ROBO1: variants seen among roughly 807,000 people sequenced by gnomAD.
ROBO1 encodes roundabout homolog 1.
Under a neutral mutation model 195.9 loss-of-function variants are expected in ROBO1, and 149 were observed. The ratio of observed to expected loss-of-function variants is 0.76; its 90% CI spans 0.67 to 0.87. The LOEUF (loss-of-function observed/expected upper bound fraction) is 0.87. Among genes scored for constraint, ROBO1 ranks in the 40% least tolerant of loss-of-function variants. The pLI, the probability that ROBO1 is intolerant of heterozygous loss-of-function variation, is 0.00. For synonymous variants in ROBO1, 816 were observed against 733.2 expected, an observed-to-expected ratio of 1.11 and a Z score of -1.82; for missense variants, 1,933 against 2,068.3, an observed-to-expected ratio of 0.93 and a Z score of 1.27.
chr3:79,102,457 T>G (rs573135647), intron 3 of ROBO1, among the ~76,000 whole-genome samples: 6 of 151,720 alleles, frequency 4.0e-5, no homozygotes, highest in Non-Finnish European at 7.4e-5. Flanking sequence ...ATTGCAGCCA[T>G]AAAACACATA....
At chr3:79,082,944 A>G (rs1164251821) in intron 3 of ROBO1, among the ~76,000 whole-genome samples, 1 of 152,204 alleles carries the variant, frequency 6.6e-6, no homozygotes, top group African/African-American at 2.4e-5. Flanking sequence ...TTGATCTGCT[A>G]TCATGCAGTT....
intron 3 of ROBO1, among the ~76,000 whole-genome samples, chr3:78,984,907 G>C (rs923316063): frequency 2.0e-5 from 3 of 152,206 alleles, no homozygotes; most frequent in Non-Finnish European, 1.5e-5. Flanking sequence ...TCTACCACTT[G>C]TGAGACAGCA....
intron 3 of ROBO1, among the ~76,000 whole-genome samples, chr3:78,975,653 C>A (rs2076870792): frequency 6.6e-6 from 1 of 152,042 alleles, no homozygotes; most frequent in African/African-American, 2.4e-5. Context: ...TAATAAGTTT[C>A]TTTTCAAAGC....
intron 3 of ROBO1, among the ~76,000 whole-genome samples, chr3:79,052,477 T>C (rs1205748496): frequency 6.6e-6 from 1 of 152,098 alleles, no homozygotes; most frequent in African/African-American, 2.4e-5. Context: ...TCTGCCCGTG[T>C]GATATTTTAT....
chr3:78,661,351 A>C (rs1707392696), intron 15 of ROBO1, 90 bp from the exon 16 acceptor site: 2 of 785,682 alleles, frequency 2.5e-6, no homozygotes, highest in Non-Finnish European at 3.7e-6. Flanking sequence ...AAAATGCACA[A>C]AATTCTGTCT....
At chr3:79,447,345 G>A (rs891428272) in intron 2 of ROBO1, among the ~76,000 whole-genome samples, 5 of 152,022 alleles carry the variant, frequency 3.3e-5, no homozygotes, top group African/African-American at 1.2e-4. Context: ...GTTTTAAGTG[G>A]TTCTATAGGA....
chr3:78,814,027 T>C (rs144533067), intron 4 of ROBO1, among the ~76,000 whole-genome samples: 1 of 152,174 alleles, frequency 6.6e-6, no homozygotes, highest in Non-Finnish European at 1.5e-5. Flanking sequence ...ATGCCAGTTT[T>C]CTTCTTAGTT....
intron 2 of ROBO1, among the ~76,000 whole-genome samples, chr3:79,183,346 A>C (rs940565197): frequency 1.3e-5 from 2 of 152,184 alleles, no homozygotes; most frequent in Admixed American, 1.3e-4. Context: ...TAGATGGATG[A>C]ATGTGAAGAA....
At chr3:79,351,836 A>C (rs1385597661) in intron 2 of ROBO1, among the ~76,000 whole-genome samples, 2 of 152,102 alleles carry the variant, frequency 1.3e-5, no homozygotes, top group Admixed American at 1.3e-4. Flanking sequence ...GGAAATTAAA[A>C]GGAGGGCACA....
At chr3:79,073,617 A>AT (rs1312639830) in intron 3 of ROBO1, among the ~76,000 whole-genome samples, 2 of 151,888 alleles carry the variant, frequency 1.3e-5, no homozygotes, top group Non-Finnish European at 2.9e-5. Flanking sequence ...CAGGACATAG[A>AT]TTTAAAAAAT....
chr3:78,922,635 A>T (rs1370439972), intron 4 of ROBO1, among the ~76,000 whole-genome samples: 25 of 109,798 alleles, frequency 2.3e-4, no homozygotes, highest in South Asian at 8.0e-4. Context: ...ACAGAGTCTC[A>T]TTCTTGTTCT....
chr3:79,035,814 T>C (rs2078372136), intron 3 of ROBO1, among the ~76,000 whole-genome samples: 1 of 152,044 alleles, frequency 6.6e-6, no homozygotes. Flanking sequence ...AGAAGTAACT[T>C]GAAATTTAGC....
chr3:79,152,173 A>G (rs1273686827), intron 2 of ROBO1, among the ~76,000 whole-genome samples: 1 of 151,886 alleles, frequency 6.6e-6, no homozygotes, highest in Non-Finnish European at 1.5e-5. Flanking sequence ...ATTATGTAGA[A>G]ATATGTTACA....
At position 79,389,257 on chromosome 3, in the gene ROBO1, A is replaced by G. The variant is rs533840760; in HGVS notation, c.88+200567T>C. Among the ~76,000 whole-genome samples, 20 of 152,186 alleles carry G rather than the reference A, an allele frequency of 1.3e-4. No individual in the cohort carries two copies. The South Asian group carries it at 4.1e-3, about 31-fold the overall frequency. On this transcript the variant is annotated intron_variant, in intron 2 of 30. Coordinates refer to ENST00000464233, the MANE Select transcript of ROBO1 (RefSeq NM_002941.4). ...AAATGAATAATATAACTATAAAGAA[A>G]AAAATTATGTAATATGAGCAAAGAA... is the stretch of plus-strand genomic sequence containing the variant.
At chr3:78,701,495 A>C (rs1196629124) in intron 8 of ROBO1, among the ~76,000 whole-genome samples, 1 of 152,228 alleles carries the variant, frequency 6.6e-6, no homozygotes, top group African/African-American at 2.4e-5. Flanking sequence ...AAATTTCAAC[A>C]ATCTAGCATA....
chr3:78,696,406 A>C (rs2081290442), intron 8 of ROBO1, among the ~76,000 whole-genome samples: 2 of 152,088 alleles, frequency 1.3e-5, no homozygotes. Flanking sequence ...ATGAGAAAAC[A>C]GAAAACCTAA....
rs369847274 is a variant in ROBO1, at chr3:79,403,304, C to T, written c.88+186520G>A. On this transcript the variant is annotated intron_variant, in intron 2 of 30. Transcript: ENST00000464233. ...TATTAATTAAACAACAGCAAACTGA[C>T]ATATAGTGTAAAATCTTAATGGAGA... 3.9e-5 allele frequency among the ~76,000 whole-genome samples: 6 copies of T among 152,064 alleles called. No homozygotes were observed. The East Asian group carries it at 9.6e-4, about 24-fold the overall frequency.
intron 1 of ROBO1, among the ~76,000 whole-genome samples, chr3:79,676,703 A>C (rs561303993): frequency 3.9e-5 from 6 of 152,186 alleles, no homozygotes; most frequent in Middle Eastern, 3.4e-3. Flanking sequence ...CATATCCTGG[A>C]ATCTTGCAGG....
At chr3:79,068,640 T>C (rs2079040129) in intron 3 of ROBO1, among the ~76,000 whole-genome samples, 1 of 151,864 alleles carries the variant, frequency 6.6e-6, no homozygotes, top group Non-Finnish European at 1.5e-5. Flanking sequence ...TCTCAAATTC[T>C]CCATTTGCTC....
Sources: allele counts gnomAD v4.1 joint callset (sites outside exome capture counted in the v4.1 genomes callset), GRCh38; gene constraint gnomAD v4.1.1; transcripts MANE v1.5; gene names NCBI Gene and HGNC (gene_info 2026-07-23, HGNC 2026-07-21).